The following FHIT variants were observed in gnomAD, a reference collection of about 807,000 sequenced individuals.
FHIT encodes fragile histidine triad diadenosine triphosphatase, also known as bis(5'-adenosyl)-triphosphatase.
A neutral mutation model predicts 17.9 loss-of-function variants in FHIT; 19 were observed. The observed-to-expected ratio is 1.06, with a 90% CI of 0.74 to 1.56. The LOEUF is 1.56. FHIT is among the 40% of genes most tolerant of loss of function. The pLI is 0.00. For synonymous variants in FHIT, 81 were observed against 69.7 expected, an observed-to-expected ratio of 1.16 and a Z score of -0.81; for missense variants, 248 against 189.2, an observed-to-expected ratio of 1.31 and a Z score of -1.82.
At chr3:60,102,254 C>T (rs932556781) in intron 5 of FHIT, among the ~76,000 whole-genome samples, 9 of 152,148 alleles carry the variant, frequency 5.9e-5, no homozygotes, top group African/African-American at 1.4e-4. Context: ...GGCTGAGGGC[C>T]GCCAATGTTG....
intron 5 of FHIT, among the ~76,000 whole-genome samples, chr3:60,332,308 C>T (rs1213763443): frequency 6.6e-6 from 1 of 152,180 alleles, no homozygotes; most frequent in African/African-American, 2.4e-5. Flanking sequence ...GCACTGCTGC[C>T]TTTCCAACCT....
chr3:60,572,767 T>G (rs913802419), intron 4 of FHIT, among the ~76,000 whole-genome samples: 1 of 152,148 alleles, frequency 6.6e-6, no homozygotes, highest in Non-Finnish European at 1.5e-5. Context: ...ACATCATTTC[T>G]TTTGACAGCC....
At chr3:60,534,732 C>T (rs2035920377) in intron 5 of FHIT, among the ~76,000 whole-genome samples, 1 of 152,058 alleles carries the variant, frequency 6.6e-6, no homozygotes, top group Non-Finnish European at 1.5e-5. Context: ...AAATATTCTC[C>T]GAGCCCTTGG....
chr3:60,625,555 T>C (rs944204934), intron 4 of FHIT, among the ~76,000 whole-genome samples: 7 of 152,170 alleles, frequency 4.6e-5, no homozygotes, highest in Admixed American at 3.3e-4. Flanking sequence ...CATCTGTATA[T>C]CTTCTTTGGA....
chr3:61,217,266 C>T (rs1467574070), intron 1 of FHIT, among the ~76,000 whole-genome samples: 1 of 152,180 alleles, frequency 6.6e-6, no homozygotes. Flanking sequence ...AAGCCTGAGG[C>T]TTCCGCTAGC....
intron 4 of FHIT, among the ~76,000 whole-genome samples, chr3:60,571,335 C>CAAAAAAAAAAAAAAAAAA (rs56094072): frequency 2.2e-4 from 12 of 54,672 alleles, no homozygotes; most frequent in Admixed American, 5.8e-4. Context: ...GACTCCATCG[C>CAAAAAAAAAAAAAAAAAA]AAAAAAAAAA....
chr3:60,310,366 G>C (rs764277257), intron 5 of FHIT, among the ~76,000 whole-genome samples: 14 of 152,140 alleles, frequency 9.2e-5, no homozygotes, highest in Non-Finnish European at 1.6e-4. Flanking sequence ...TAAGGGTTTA[G>C]TTACCTGGGG....
intron 2 of FHIT, among the ~76,000 whole-genome samples, chr3:61,192,741 A>T (rs2038751937): frequency 6.6e-6 from 1 of 151,788 alleles, no homozygotes; most frequent in Admixed American, 6.6e-5. Context: ...ATTCCCCAAA[A>T]TCTTTAGATG....
At chr3:59,766,056 T>G (rs1701779817) in intron 8 of FHIT, among the ~76,000 whole-genome samples, 1 of 152,152 alleles carries the variant, frequency 6.6e-6, no homozygotes, top group Admixed American at 6.5e-5. Flanking sequence ...TGAGCATAGA[T>G]TGAGGATGCT....
rs144657097 is a variant in FHIT at position 60,764,816 on chromosome 3, T to C, written c.-18+57103A>G. ...AATATATAATGTTATATAAATGACA[T>C]GTCAATATATGAATATATATATTTC... On this transcript the variant is annotated intron_variant, in intron 4 of 9. Coordinates refer to ENST00000492590, the MANE Select transcript of FHIT (RefSeq NM_002012.4). Among the ~76,000 whole-genome samples, 485 of 151,342 alleles carry C rather than the reference T, an allele frequency of 3.2e-3. 2 individuals carry two copies. Among genetic ancestry groups the C allele is most frequent in the African/African-American group, 0.011 (465 of 41,340 alleles).
At chr3:60,637,951 C>G (rs2039630721) in intron 4 of FHIT, among the ~76,000 whole-genome samples, 1 of 152,134 alleles carries the variant, frequency 6.6e-6, no homozygotes, top group Non-Finnish European at 1.5e-5. Context: ...TCAAAACCTA[C>G]TAGAGTAATG....
chr3:61,246,911 C>G (rs2040500136), intron 1 of FHIT, among the ~76,000 whole-genome samples: 1 of 151,998 alleles, frequency 6.6e-6, no homozygotes, highest in Non-Finnish European at 1.5e-5. Context: ...TCAGGCTCAC[C>G]TCTGCAGCCT....
At chr3:59,794,790 G>C (rs1054326655) in intron 8 of FHIT, among the ~76,000 whole-genome samples, 1 of 152,156 alleles carries the variant, frequency 6.6e-6, no homozygotes, top group African/African-American at 2.4e-5. Context: ...AACTGAGACA[G>C]CTCTCAAAGC....
chr3:59,865,923 A>G (rs1210488271), intron 8 of FHIT, among the ~76,000 whole-genome samples: 1 of 152,180 alleles, frequency 6.6e-6, no homozygotes, highest in Non-Finnish European at 1.5e-5. Flanking sequence ...TGCCTTCTCC[A>G]TCCTCACTGC....
chr3:60,334,611 T>C (rs1033966184), intron 5 of FHIT, among the ~76,000 whole-genome samples: 12 of 152,074 alleles, frequency 7.9e-5, no homozygotes, highest in African/African-American at 2.7e-4. Flanking sequence ...CACAGTGAAA[T>C]GCCATCTCTA....
intron 5 of FHIT, among the ~76,000 whole-genome samples, chr3:60,500,984 A>G (rs1217038311): frequency 6.6e-6 from 1 of 152,124 alleles, no homozygotes; most frequent in South Asian, 2.1e-4. Context: ...AGTTTTCACA[A>G]TAAAAGTAAT....
intron 3 of FHIT, among the ~76,000 whole-genome samples, chr3:60,898,586 G>A (rs1553762425): frequency 6.6e-6 from 1 of 152,182 alleles, no homozygotes; most frequent in Admixed American, 6.5e-5. Context: ...AGCAAATTTA[G>A]AACAAAACAT....
At chr3:60,194,107 G>C (rs964409253) in intron 5 of FHIT, among the ~76,000 whole-genome samples, 2 of 152,054 alleles carry the variant, frequency 1.3e-5, no homozygotes, top group Non-Finnish European at 2.9e-5. Context: ...TTCGCATATG[G>C]AACCAAAAAG....
chr3:61,229,629 A>C (rs1465851017), intron 1 of FHIT, among the ~76,000 whole-genome samples: 2 of 152,166 alleles, frequency 1.3e-5, no homozygotes, highest in Non-Finnish European at 2.9e-5. Flanking sequence ...CAATAGAAAT[A>C]CTCATCTCAC....
Sources: allele counts gnomAD v4.1 joint callset (sites outside exome capture counted in the v4.1 genomes callset), GRCh38; gene constraint gnomAD v4.1.1; transcripts MANE v1.5; gene names NCBI Gene and HGNC (gene_info 2026-07-23, HGNC 2026-07-21).